The following ALK variants were observed in gnomAD, a reference collection of about 807,000 sequenced individuals.
ALK encodes ALK receptor tyrosine kinase, also known as ALK tyrosine kinase receptor.
In ALK, 74 loss-of-function variants were observed where a neutral mutation model predicts 163.1. That is an observed-to-expected ratio of 0.45 (90% CI 0.38 to 0.55). The LOEUF is 0.55. Among genes scored for constraint, ALK ranks in the 20% least tolerant of loss-of-function variants. The pLI, the probability that ALK is intolerant of heterozygous loss-of-function variation, is 0.00. For missense variants in ALK, 2,063 were observed against 2,105.3 expected (o/e 0.98, Z 0.39); for synonymous variants, 960 against 843.2 (o/e 1.14, Z -2.40).
intron 4 of ALK, among the ~76,000 whole-genome samples, chr2:29,471,872 G>A (rs1343288152): frequency 6.6e-6 from 1 of 152,130 alleles, no homozygotes; most frequent in African/African-American, 2.4e-5. Flanking sequence ...TTCCTGAGTA[G>A]CTGGGATTAC....
At chr2:29,568,736 C>A (rs1674266624) in intron 3 of ALK, among the ~76,000 whole-genome samples, 1 of 152,184 alleles carries the variant, frequency 6.6e-6, no homozygotes, top group South Asian at 2.1e-4. Flanking sequence ...AAAGAACTAA[C>A]TGGAATCTGA....
In ALK at chr2:29,200,797, A is replaced by ATG. The variant is rs1669154068; in HGVS notation, c.3939-3122_3939-3121insCA. Among the ~76,000 whole-genome samples, 19 of 124,610 alleles carry ATG rather than the reference A, an allele frequency of 1.5e-4. 2 individuals are homozygous for ATG. The highest frequency in any genetic ancestry group is 6.5e-4 in the East Asian group (2 of 3,088). The allele number at this position is 124,610 out of a possible 152,430, so 81.7% of individuals were successfully genotyped here. On this transcript the variant is annotated intron_variant, in intron 26 of 28. Transcript: ENST00000389048. ...CGTATATATATGTATATACATGTATACATATATATGTGTGTATATACATAT... is the reference window on the plus strand; with the variant it reads ...CGTATATATATGTATATACATGTATATGCATATATATGTGTGTATATACATAT...
intron 1 of ALK, among the ~76,000 whole-genome samples, chr2:29,893,035 CATA>C (rs1344162966): frequency 6.6e-6 from 1 of 152,180 alleles, no homozygotes; most frequent in Non-Finnish European, 1.5e-5. Flanking sequence ...TTGCGCTGGC[CATA>C]ATGTTTCCCT....
At chr2:29,305,655 A>T in intron 8 of ALK, among the ~76,000 whole-genome samples, 1 of 152,032 alleles carries the variant, frequency 6.6e-6, no homozygotes, top group Non-Finnish European at 1.5e-5. Flanking sequence ...TGGTCCAAAA[A>T]CACCCTTAGA....
At chr2:29,388,802 G>A (rs760663639) in intron 4 of ALK, among the ~76,000 whole-genome samples, 1 of 152,206 alleles carries the variant, frequency 6.6e-6, no homozygotes, top group Admixed American at 6.5e-5. Context: ...GAAAGGTATT[G>A]CAATTTATGA....
At chr2:29,568,046 C>T (rs1051973881) in intron 3 of ALK, among the ~76,000 whole-genome samples, 3 of 152,166 alleles carry the variant, frequency 2.0e-5, no homozygotes, top group Non-Finnish European at 2.9e-5. Context: ...GGGTGAGACT[C>T]TGAGCCTTAA....
At chr2:29,411,703 C>T (rs996492419) in intron 4 of ALK, among the ~76,000 whole-genome samples, 1 of 152,158 alleles carries the variant, frequency 6.6e-6, no homozygotes, top group African/African-American at 2.4e-5. Flanking sequence ...TTTTCTCTTG[C>T]CTCTTCTTCA....
chr2:29,778,282 C>T (rs943703519), intron 1 of ALK, among the ~76,000 whole-genome samples: 12 of 152,206 alleles, frequency 7.9e-5, no homozygotes, highest in Non-Finnish European at 1.3e-4. Flanking sequence ...AGTGATTTAA[C>T]CTCCCTTCAG....
chr2:29,262,857 T>C (rs1030549912), intron 11 of ALK, among the ~76,000 whole-genome samples: 1 of 152,194 alleles, frequency 6.6e-6, no homozygotes, highest in Non-Finnish European at 1.5e-5. Flanking sequence ...TGATGGCTGC[T>C]GTATTGTGTT....
chr2:29,376,038 C>T (rs1363551085), intron 5 of ALK, among the ~76,000 whole-genome samples: 1 of 152,142 alleles, frequency 6.6e-6, no homozygotes, highest in Non-Finnish European at 1.5e-5. Context: ...GACATGCTAG[C>T]CCCGAGATAG....
intron 1 of ALK, among the ~76,000 whole-genome samples, chr2:29,869,972 A>G (rs1466785988): frequency 6.6e-6 from 1 of 152,180 alleles, no homozygotes; most frequent in Non-Finnish European, 1.5e-5. Context: ...TTTCAAATTA[A>G]AATAATAATG....
intron 3 of ALK, among the ~76,000 whole-genome samples, chr2:29,623,588 G>C (rs1676102475): frequency 1.3e-5 from 2 of 152,214 alleles, no homozygotes; most frequent in African/African-American, 2.4e-5. Context: ...GAAGCACAGA[G>C]AGAGTAAGTG....
chr2:29,332,474 C>T (rs533034915), intron 5 of ALK, among the ~76,000 whole-genome samples: 161 of 152,094 alleles, frequency 1.1e-3, no homozygotes, highest in African/African-American at 3.5e-3. Flanking sequence ...TTCCTTCATT[C>T]TAAAAACAGA....
intron 3 of ALK, among the ~76,000 whole-genome samples, chr2:29,568,156 G>A (rs1422046619): frequency 1.3e-5 from 2 of 152,176 alleles, no homozygotes; most frequent in Admixed American, 6.5e-5. Context: ...CAGGGCCCCC[G>A]CCCTCTTCAG....
intron 25 of ALK, 22 bp from the exon 26 acceptor site, chr2:29,207,294 C>T (rs757494502): frequency 6.3e-7 from 1 of 1,583,644 alleles, no homozygotes; most frequent in South Asian, 1.1e-5. Context: ...GAGAGGAAAA[C>T]CAAACTAGGA....
chr2:29,347,624 C>A (rs754020226), intron 5 of ALK, among the ~76,000 whole-genome samples: 5 of 152,164 alleles, frequency 3.3e-5, no homozygotes, highest in Non-Finnish European at 7.3e-5. Context: ...AAATAACTGG[C>A]TGTATGGTCC....
intron 3 of ALK, among the ~76,000 whole-genome samples, chr2:29,563,693 C>A (rs1674090171): frequency 6.6e-6 from 1 of 152,188 alleles, no homozygotes; most frequent in African/African-American, 2.4e-5. Context: ...GCGATGATAT[C>A]TTTTAGGTTA....
intron 1 of ALK, among the ~76,000 whole-genome samples, chr2:29,825,147 C>A (rs1376107030): frequency 6.6e-6 from 1 of 152,200 alleles, no homozygotes. Context: ...TTGCCTTCCA[C>A]CATGATTGTG....
chr2:29,503,900 C>G (rs748420299), intron 4 of ALK, among the ~76,000 whole-genome samples: 3 of 151,968 alleles, frequency 2.0e-5, no homozygotes, highest in Non-Finnish European at 4.4e-5. Flanking sequence ...CCTCATGGAG[C>G]TTTCTTTCTA....
Sources: allele counts gnomAD v4.1 joint callset (sites outside exome capture counted in the v4.1 genomes callset), GRCh38; gene constraint gnomAD v4.1.1; transcripts MANE v1.5; gene names NCBI Gene and HGNC (gene_info 2026-07-23, HGNC 2026-07-21).